NRG1: variants seen among roughly 807,000 people sequenced by gnomAD.
NRG1 encodes the protein pro-neuregulin-1, membrane-bound isoform.
In NRG1, 18 loss-of-function variants were observed where a neutral mutation model predicts 63.8. The observed-to-expected ratio is 0.28, with a 90% CI of 0.19 to 0.42. The LOEUF (loss-of-function observed/expected upper bound fraction) is 0.42, where lower values mean the gene tolerates loss of function less well. NRG1 is among the 10% of genes least tolerant of loss of function. The pLI is 1.00. For synonymous variants in NRG1, 302 were observed against 301.3 expected (o/e 1.00, Z -0.02); for missense variants, 762 against 814.7 (o/e 0.94, Z 0.79).
chr8:31,801,303 C>T (rs572009840), intron 1 of NRG1, among the ~76,000 whole-genome samples: 1 of 152,196 alleles, frequency 6.6e-6, no homozygotes, highest in Admixed American at 6.5e-5. Context: ...TGTTTTGTTT[C>T]TATTGATTTT....
rs1856450213 is a variant in NRG1 at position 32,308,303 on chromosome 8, A to G, written c.38-287525A>G. Among the ~76,000 whole-genome samples the G allele has an allele frequency of 2.0e-5, 3 of 152,126 alleles. No homozygotes were observed. In the South Asian group the frequency reaches 6.2e-4, roughly 32 times the overall value. On this transcript the variant is annotated intron_variant, in intron 1 of 10. Coordinates refer to the NRG1 transcript ENST00000519301. The stretch of plus-strand genomic sequence containing the variant: ...AGACTTTCGTCATTCCATTTTCTTT[A>G]TTAAGGCATCCATATGAGCTGCCAT...
At chr8:32,251,738 C>T (rs1384908396) in intron 1 of NRG1, among the ~76,000 whole-genome samples, 5 of 152,110 alleles carry the variant, frequency 3.3e-5, no homozygotes, top group Non-Finnish European at 5.9e-5. Context: ...TTTTAATGAT[C>T]GCCATTCAAA....
chr8:31,873,794 G>A (rs1034705660), intron 1 of NRG1, among the ~76,000 whole-genome samples: 10 of 152,170 alleles, frequency 6.6e-5, no homozygotes, highest in Non-Finnish European at 1.0e-4. Flanking sequence ...AGAGGAATTT[G>A]TGTGTTTTAA....
chr8:31,905,749 A>G (rs1203725871), intron 1 of NRG1, among the ~76,000 whole-genome samples: 1 of 152,226 alleles, frequency 6.6e-6, no homozygotes, highest in Non-Finnish European at 1.5e-5. Context: ...TTAAAGGATT[A>G]ACATGTACAA....
At chr8:31,749,600 T>C (rs1299450685) in intron 1 of NRG1, among the ~76,000 whole-genome samples, 1 of 151,850 alleles carries the variant, frequency 6.6e-6, no homozygotes, top group African/African-American at 2.4e-5. Context: ...TTTTTCTTTT[T>C]CTTTTGTGCT....
At chr8:31,981,149 C>T (rs1809006138) in intron 1 of NRG1, among the ~76,000 whole-genome samples, 1 of 151,920 alleles carries the variant, frequency 6.6e-6, no homozygotes, top group Non-Finnish European at 1.5e-5. Flanking sequence ...ACATACCATA[C>T]CTGTGCCCAG....
Position 31,890,768 on chromosome 8 carries a change from C to A in NRG1, c.37+251337C>A, listed in dbSNP as rs1302869112. On this transcript the variant is annotated intron_variant, in intron 1 of 10. Coordinates refer to the NRG1 transcript ENST00000519301. ...TCACAGTCAAGTTTTCAATCTGCAT[C>A]TTGAAAATGCCAGATGATAACAGGA... is the stretch of plus-strand genomic sequence containing the variant. Among the ~76,000 whole-genome samples the A allele has an allele frequency of 3.3e-5, 5 of 152,278 alleles. No individual in the cohort carries two copies. In the East Asian group the frequency reaches 5.8e-4, roughly 18 times the overall value.
chr8:31,789,070 T>C (rs2131647749), intron 1 of NRG1, among the ~76,000 whole-genome samples: 1 of 152,312 alleles, frequency 6.6e-6, no homozygotes, highest in South Asian at 2.1e-4. Flanking sequence ...AATCAAGAAA[T>C]TTTGGTTCTA....
chr8:32,110,584 C>G (rs1240106746), intron 1 of NRG1, among the ~76,000 whole-genome samples: 1 of 152,076 alleles, frequency 6.6e-6, no homozygotes, highest in Non-Finnish European at 1.5e-5. Flanking sequence ...TGAACAAGGC[C>G]GTGCTCTTCT....
chr8:32,200,698 G>A (rs1420821164), intron 1 of NRG1, among the ~76,000 whole-genome samples: 1 of 152,200 alleles, frequency 6.6e-6, no homozygotes, highest in Non-Finnish European at 1.5e-5. Context: ...CATTCCCAAT[G>A]TTAGTGTCTG....
chr8:31,709,272 T>G (rs576978355), intron 1 of NRG1, among the ~76,000 whole-genome samples: 58 of 152,070 alleles, frequency 3.8e-4, no homozygotes, highest in African/African-American at 1.3e-3. Flanking sequence ...TCTAGATATA[T>G]TCATATAAAT....
chr8:32,243,568 A>G (rs1848329792), intron 1 of NRG1, among the ~76,000 whole-genome samples: 1 of 152,140 alleles, frequency 6.6e-6, no homozygotes, highest in South Asian at 2.1e-4. Context: ...TAACACTCCA[A>G]CTTATCTTTA....
chr8:32,754,568 CTT>C (rs1232193026), intron 8 of NRG1, 94 bp downstream of exon 8: 35 of 1,117,714 alleles, frequency 3.1e-5, no homozygotes, highest in Non-Finnish European at 4.5e-5. Context: ...ACAGCCTAGT[CTT>C]GGGGATAAAA....
At chr8:32,073,258 G>T (rs1011452544) in intron 1 of NRG1, among the ~76,000 whole-genome samples, 4 of 152,116 alleles carry the variant, frequency 2.6e-5, no homozygotes, top group African/African-American at 9.7e-5. Flanking sequence ...TTTCCATTTG[G>T]TCCTGTAATT....
At chr8:32,406,398 T>G (rs1023927672) in intron 1 of NRG1, among the ~76,000 whole-genome samples, 1 of 152,200 alleles carries the variant, frequency 6.6e-6, no homozygotes, top group Non-Finnish European at 1.5e-5. Flanking sequence ...GTTGTGAAGA[T>G]TAAAATAAAT....
intron 1 of NRG1, among the ~76,000 whole-genome samples, chr8:31,862,615 T>G (rs1473760622): frequency 6.6e-6 from 1 of 152,208 alleles, no homozygotes; most frequent in Non-Finnish European, 1.5e-5. Context: ...TTTATTTGGT[T>G]TTGGAAATTG....
chr8:31,988,736 T>C (rs1810513375), intron 1 of NRG1, among the ~76,000 whole-genome samples: 1 of 152,086 alleles, frequency 6.6e-6, no homozygotes, highest in African/African-American at 2.4e-5. Flanking sequence ...ATCCACTGAA[T>C]TGCTGCATAT....
chr8:31,841,126 T>C (rs931532750), intron 1 of NRG1, among the ~76,000 whole-genome samples: 11 of 152,054 alleles, frequency 7.2e-5, no homozygotes, highest in African/African-American at 2.7e-4. Context: ...TAGAATGTAG[T>C]TGGATCTCAA....
chr8:32,268,438 A>T (rs1319554355), intron 1 of NRG1, among the ~76,000 whole-genome samples: 2 of 152,208 alleles, frequency 1.3e-5, no homozygotes, highest in African/African-American at 4.8e-5. Context: ...ATATCCATGG[A>T]CACTGTGTCA....
Sources: allele counts gnomAD v4.1 joint callset (sites outside exome capture counted in the v4.1 genomes callset), GRCh38; gene constraint gnomAD v4.1.1; transcripts MANE v1.5; gene names NCBI Gene and HGNC (gene_info 2026-07-23, HGNC 2026-07-21).